The following CPAMD8 variants were observed in gnomAD, a reference collection of about 807,000 sequenced individuals.
CPAMD8 encodes the protein C3 and PZP-like alpha-2-macroglobulin domain-containing protein 8.
In CPAMD8, 146 loss-of-function variants were observed where a neutral mutation model predicts 224.7. The observed-to-expected ratio is 0.65, with a 90% CI of 0.57 to 0.75. The LOEUF (loss-of-function observed/expected upper bound fraction) is 0.75, where lower values mean the gene tolerates loss of function less well. Among genes scored for constraint, CPAMD8 ranks in the 30% least tolerant of loss-of-function variants. The probability of loss-of-function intolerance (pLI) is 0.00; values close to 1 mark genes in which losing one functional copy is unlikely to be tolerated. For synonymous variants in CPAMD8, 966 were observed against 1,044.6 expected (o/e 0.92, Z 1.45); for missense variants, 2,301 against 2,537.5 (o/e 0.91, Z 2.00).
chr19:16,981,970 T>A (rs914165633), intron 13 of CPAMD8, among the ~76,000 whole-genome samples: 2 of 152,226 alleles, frequency 1.3e-5, no homozygotes, highest in African/African-American at 4.8e-5. Flanking sequence ...ATAAGTGTCA[T>A]TCTGGCCAGG....
rs1257119300 is a variant in CPAMD8 at position 16,955,263 on chromosome 19, C to T, written c.2276+2590G>A. On this transcript the variant is annotated intron_variant, in intron 19 of 41. Coordinates refer to ENST00000443236, the MANE Select transcript of CPAMD8 (RefSeq NM_015692.5). ...TGAGCCGAGATTGTGCCACTGCACT[C>T]CAGCCTGGTGACAGAGCAAGACTCC... Among the ~76,000 whole-genome samples the T allele has an allele frequency of 3.3e-5, 5 of 151,698 alleles. No homozygotes were observed. The East Asian group carries it at 9.7e-4, about 29-fold the overall frequency.
At position 16,893,224 on chromosome 19, in the gene CPAMD8, G is replaced by T; in HGVS notation, c.5542C>A (p.Arg1848=). 1 of 1,589,182 alleles carries T rather than the reference G, an allele frequency of 6.3e-7. No homozygotes were observed. Among genetic ancestry groups the T allele is most frequent in the South Asian group, 1.1e-5 (1 of 87,974 alleles). Reference sequence around the variant, plus strand: ...CCTGGCCTGTGGGCCCCCACCACCCGGCCACTATGTCTCTGAGGGGCCGGA... The same window carrying T: ...CCTGGCCTGTGGGCCCCCACCACCCTGCCACTATGTCTCTGAGGGGCCGGA... ...QTPAPQRHSG[R]VVGAHRPGLL... The change falls in exon 42 of 42, where the codon CGG becomes AGG. Residue 1848 remains arginine, a synonymous_variant. Coordinates refer to ENST00000443236, the MANE Select transcript of CPAMD8 (RefSeq NM_015692.5).
chr19:16,943,004 CTTTTTTCTTTT>C (rs1465982861), intron 22 of CPAMD8, among the ~76,000 whole-genome samples: 12 of 134,224 alleles, frequency 8.9e-5, no homozygotes, highest in Admixed American at 8.9e-4. Context: ...TTTCTTTTTT[CTTTTTTCTTTT>C]TTTTTTTTTT....
chr19:16,990,732 C>T (rs939546036), intron 12 of CPAMD8, among the ~76,000 whole-genome samples: 4 of 151,018 alleles, frequency 2.6e-5, no homozygotes, highest in East Asian at 2.0e-4. Context: ...GCATGGTGGC[C>T]GGCAACTGTA....
At chr19:16,958,442 G>A (rs778911418) in intron 18 of CPAMD8, among the ~76,000 whole-genome samples, 45 of 152,162 alleles carry the variant, frequency 3.0e-4, no homozygotes, top group Non-Finnish European at 5.7e-4. Context: ...TTCCACAAAA[G>A]ACATGATTTT....
rs1196710399 is a variant in CPAMD8 at position 16,906,407 on chromosome 19, T to TTTCTCTCTTTCC, written c.4027+544_4027+545insGGAAAGAGAGAA. Among the ~76,000 whole-genome samples the TTTCTCTCTTTCC allele has an allele frequency of 4.0e-3, 277 of 69,894 alleles. 11 individuals carry two copies. Among genetic ancestry groups the TTTCTCTCTTTCC allele is most frequent in the African/African-American group, 0.017 (266 of 15,504 alleles). The allele number at this position is 69,894 out of a possible 152,430, so 45.9% of individuals were successfully genotyped here. ...CTTTCTTTCTTTCTTTCTTTCTTTC[T>TTTCTCTCTTTCC]TTCCTTCCTTCCTTCCTTCCTTCCT... On this transcript the variant is annotated intron_variant, in intron 30 of 41. Coordinates refer to ENST00000443236, the MANE Select transcript of CPAMD8 (RefSeq NM_015692.5).
In CPAMD8 at chr19:17,002,321, G is replaced by C. The variant is rs1480178884; in HGVS notation, c.703C>G (p.Pro235Ala). ...TCCAGGTCTTGGATATACCGGGGCG[G>C]GTCAATCAGAAGCTCAAACTTGGGC... ...VLPKFELLID[P>A]PRYIQDLDAC... is the part of the protein sequence containing the mutation. The change falls in exon 9 of 42, where the codon CCG (proline) becomes GCG (alanine). Residue 235 changes from proline (P) to alanine (A), a missense_variant. Transcript: ENST00000443236. 5.6e-6 allele frequency: 9 copies of C among 1,606,446 alleles called. No homozygotes were observed. Among genetic ancestry groups the C allele is most frequent in the Non-Finnish European group, 7.7e-6 (9 of 1,175,720 alleles).
At chr19:16,946,168 GTGTAT>G (rs1421487816) in intron 21 of CPAMD8, among the ~76,000 whole-genome samples, 1 of 124,750 alleles carries the variant, frequency 8.0e-6, no homozygotes, top group Non-Finnish European at 1.6e-5. Context: ...GCATGTGTGT[GTGTAT>G]GATTTGTGTG....
intron 27 of CPAMD8, among the ~76,000 whole-genome samples, chr19:16,919,418 C>T (rs2053085043): frequency 6.6e-6 from 1 of 152,148 alleles, no homozygotes; most frequent in Admixed American, 6.5e-5. Flanking sequence ...TGCCAACAGC[C>T]ATGTGAGGGA....
intron 11 of CPAMD8, 75 bp downstream of exon 11, chr19:16,997,036 G>T: frequency 2.2e-6 from 2 of 914,296 alleles, no homozygotes; most frequent in East Asian, 2.4e-5. Context: ...AGTCACCACT[G>T]CAGAGCTAGT....
rs576502867 is a variant in CPAMD8 at position 16,957,770 on chromosome 19, A to G, written c.2276+83T>C. 362 of 1,311,232 alleles carry G rather than the reference A, an allele frequency of 2.8e-4. 1 individual carries two copies. The highest frequency in any genetic ancestry group is 2.6e-3 in the Middle Eastern group (14 of 5,428). The allele number at this position is 1,311,232 out of a possible 1,614,324, so 81.2% of individuals were successfully genotyped here. A position where few individuals can be genotyped will look rare whatever the true frequency, so the allele number is the denominator to read the frequency against. On this transcript the variant is annotated intron_variant, in intron 19 of 41. Coordinates refer to ENST00000443236, the MANE Select transcript of CPAMD8 (RefSeq NM_015692.5). ...TCAGATGTTGGTATCAGGCCTGCCC[A>G]TCTCACCGGAGGCTCTCTGGACCCG...
chr19:16,893,711 C>T (rs1480330484), intron 41 of CPAMD8: 2 of 204,388 alleles, frequency 9.8e-6, no homozygotes, highest in South Asian at 3.3e-4. Flanking sequence ...CCTCTGGGCA[C>T]GAGGACATCA....
rs2052550616 is a variant in CPAMD8, at chr19:16,907,126, TG to T, written c.3862-10del. On this transcript the variant is annotated splice_polypyrimidine_tract_variant and intron_variant, in intron 29 of 41. Transcript: ENST00000443236. ...GTGGAGCCTCTCTCCTCCTGCAGGG[TG>T]GGGTGGGAAGGTGAAACCTGGGAGG... 5 of 1,539,960 alleles carry T rather than the reference TG, an allele frequency of 3.2e-6. No individual in the cohort carries two copies. The highest frequency in any genetic ancestry group is 4.4e-6 in the Non-Finnish European group (5 of 1,142,888).
chr19:16,915,895 TTTC>T (rs2052938056), intron 27 of CPAMD8, among the ~76,000 whole-genome samples: 2 of 151,152 alleles, frequency 1.3e-5, no homozygotes, highest in East Asian at 3.9e-4. Flanking sequence ...TTTCTTTTTC[TTTC>T]TTTCTTTCTC....
chr19:16,976,121 G>C lies in CPAMD8; in HGVS notation c.1789C>G (p.Gln597Glu), dbSNP rs1376703459. Residue 597 changes from glutamine (Q) to glutamate (E), a missense_variant, in exon 16 of 42, where the codon CAA becomes GAA. Transcript: ENST00000443236. Reference protein sequence around the residue: ...VSVTYSANETQPGEVVDLRIR... With the variant: ...VSVTYSANETEPGEVVDLRIR... Reference sequence around the variant, plus strand: ...CGCAGGTCGACAACCTCCCCAGGTTGGGTCTCATTTGCTGAATACGTCACT... The same window carrying C: ...CGCAGGTCGACAACCTCCCCAGGTTCGGTCTCATTTGCTGAATACGTCACT... 5.0e-6 allele frequency: 8 copies of C among 1,612,190 alleles called. No homozygotes were observed. Among genetic ancestry groups the C allele is most frequent in the Middle Eastern group, 1.7e-4 (1 of 6,012 alleles).
intron 30 of CPAMD8, among the ~76,000 whole-genome samples, chr19:16,906,391 T>C (rs531736897): frequency 0.015 from 1,147 of 78,766 alleles, 33 homozygotes; most frequent in East Asian, 0.044. Context: ...TCTTTCTTTC[T>C]TTCTTTCTTT....
At chr19:17,014,935 C>G (rs1194251971) in intron 3 of CPAMD8, among the ~76,000 whole-genome samples, 1 of 152,196 alleles carries the variant, frequency 6.6e-6, no homozygotes, top group Non-Finnish European at 1.5e-5. Context: ...TATGTGCACC[C>G]ACCTGTTCCT....
chr19:17,003,618 T>G (rs946241634), intron 8 of CPAMD8, among the ~76,000 whole-genome samples: 13 of 151,250 alleles, frequency 8.6e-5, no homozygotes, highest in Non-Finnish European at 1.9e-4. Flanking sequence ...CTGTCTCTAC[T>G]AATACAAAAA....
chr19:16,921,956 T>C lies in CPAMD8; in HGVS notation c.3578A>G (p.Gln1193Arg), dbSNP rs368148786. 5 of 1,548,110 alleles carry C rather than the reference T, an allele frequency of 3.2e-6. No homozygotes were observed. The African/African-American group carries it at 6.8e-5, about 21-fold the overall frequency. ...CCCAAACGCGCTGTAGGAGCCATCC[T>C]GGCGCTTGTAGGTCAGCTGGCGCTG... ...GYQRQLTYKRQDGSYSAFGER... is the reference protein window; with the variant it reads ...GYQRQLTYKRRDGSYSAFGER... The change falls in exon 27 of 42, where the codon CAG becomes CGG. Residue 1193 changes from glutamine to arginine, a missense_variant. This residue lies in a region of CPAMD8 where 1,709 missense variants were observed against 1,753.2 expected (regional missense o/e 0.97). Coordinates refer to ENST00000443236, the MANE Select transcript of CPAMD8 (RefSeq NM_015692.5).
Sources: gnomAD v4.1 joint callset for allele counts (sites outside exome capture counted in the v4.1 genomes callset) on GRCh38, gnomAD v4.1.1 for gene constraint, gnomAD v4.1.1 regional missense constraint, MANE v1.5 for transcripts, NCBI Gene and HGNC (gene_info 2026-07-23, HGNC 2026-07-21) for gene names.